Variants in PLPP1 observed in about 807,000 individuals in gnomAD.
The protein encoded by PLPP1 is lipid phosphate phosphohydrolase 1a.
Under a neutral mutation model 31.2 loss-of-function variants are expected in PLPP1, and 24 were observed. That is an observed-to-expected ratio of 0.77 (90% CI 0.56 to 1.08). The LOEUF (loss-of-function observed/expected upper bound fraction) is 1.08. PLPP1 is among the 50% of genes least tolerant of loss of function. The pLI is 0.00. For missense variants in PLPP1, 319 were observed against 342.7 expected, an observed-to-expected ratio of 0.93 and a Z score of 0.55; for synonymous variants, 146 against 126.3, an observed-to-expected ratio of 1.16 and a Z score of -1.05.
At chr5:55,514,137 G>T (rs966794611) in intron 1 of PLPP1, among the ~76,000 whole-genome samples, 1 of 152,278 alleles carries the variant, frequency 6.6e-6, no homozygotes, top group African/African-American at 2.4e-5. Context: ...CCAGCACTTT[G>T]GTAGGCCAAG....
intron 1 of PLPP1, among the ~76,000 whole-genome samples, chr5:55,504,201 T>G (rs942400680): frequency 6.6e-6 from 1 of 151,768 alleles, no homozygotes; most frequent in African/African-American, 2.4e-5. Context: ...AAACCCCGTC[T>G]CTACTAATAA....
chr5:55,531,290 G>A (rs1010180291), intron 1 of PLPP1, among the ~76,000 whole-genome samples: 3 of 152,148 alleles, frequency 2.0e-5, no homozygotes, highest in African/African-American at 7.2e-5. Context: ...TAATTCAAAC[G>A]TGTATATAGA....
chr5:55,503,856 G>A (rs1382960741), intron 1 of PLPP1, among the ~76,000 whole-genome samples: 1 of 92,032 alleles, frequency 1.1e-5, no homozygotes, highest in African/African-American at 4.4e-5. Flanking sequence ...GAGAGAGGAG[G>A]GGAGGAGAGG....
chr5:55,429,786 C>T (rs1439308606), intron 4 of PLPP1, among the ~76,000 whole-genome samples: 1 of 152,086 alleles, frequency 6.6e-6, no homozygotes, highest in African/African-American at 2.4e-5. Flanking sequence ...TGGCAGTGAG[C>T]CAGCAGAGCC....
chr5:55,498,800 T>C (rs1310211334), intron 1 of PLPP1, among the ~76,000 whole-genome samples: 3 of 151,950 alleles, frequency 2.0e-5, no homozygotes, highest in African/African-American at 4.8e-5. Context: ...CTGTTTTCCA[T>C]TGGGAACACA....
chr5:55,525,003 T>C (rs945968496), intron 1 of PLPP1, among the ~76,000 whole-genome samples: 6 of 152,184 alleles, frequency 3.9e-5, no homozygotes, highest in African/African-American at 1.4e-4. Context: ...ACCACAGACC[T>C]ACACAGATCA....
At chr5:55,472,321 G>A (rs1230808105) in intron 2 of PLPP1, among the ~76,000 whole-genome samples, 2 of 152,102 alleles carry the variant, frequency 1.3e-5, no homozygotes, top group African/African-American at 4.8e-5. Flanking sequence ...GTAGAGTATA[G>A]GCCGGGCGCA....
chr5:55,441,045 A>AT (rs1207946232), intron 4 of PLPP1, among the ~76,000 whole-genome samples: 1 of 149,308 alleles, frequency 6.7e-6, no homozygotes, highest in Non-Finnish European at 1.5e-5. Flanking sequence ...ACACCCAAAT[A>AT]TATAGTGTTT....
chr5:55,527,852 A>G (rs1222512975), intron 1 of PLPP1, among the ~76,000 whole-genome samples: 2 of 152,176 alleles, frequency 1.3e-5, no homozygotes, highest in African/African-American at 4.8e-5. Context: ...TACTCACAGA[A>G]CAGCTTTGGC....
chr5:55,475,495 C>A, intron 1 of PLPP1, 45 bp from the exon 2 acceptor site: 1 of 1,496,200 alleles, frequency 6.7e-7, no homozygotes, highest in East Asian at 2.4e-5. Flanking sequence ...AAAGAAATAT[C>A]AAAACTAATT....
chr5:55,432,098 CTTTTT>C (rs869025950), intron 4 of PLPP1, among the ~76,000 whole-genome samples: 1 of 7,136 alleles, frequency 1.4e-4, no homozygotes, highest in African/African-American at 2.1e-4. Flanking sequence ...TCTTTTTCTT[CTTTTT>C]TTTTTTTTTT....
intron 1 of PLPP1, among the ~76,000 whole-genome samples, chr5:55,515,398 CTTG>C (rs1378761926): frequency 6.6e-6 from 1 of 152,222 alleles, no homozygotes; most frequent in Non-Finnish European, 1.5e-5. Context: ...CTAGCCTGTG[CTTG>C]TTATTTTCTA....
At position 55,523,901 on chromosome 5, in the gene PLPP1, T is replaced by C. The variant is rs142860185; in HGVS notation, c.58+10671A>G. 2.4e-3 allele frequency among the ~76,000 whole-genome samples: 359 copies of C among 152,310 alleles called. 4 individuals carry two copies. The Middle Eastern group carries it at 0.037, about 16-fold the overall frequency. On this transcript the variant is annotated intron_variant, in intron 1 of 5. Transcript: ENST00000307259. ...TCATTGAGACTGCTATCCCCAAAAG[T>C]CTAACTTTCTTATAATCTTGCTTTA... is the stretch of plus-strand genomic sequence containing the variant.
intron 1 of PLPP1, among the ~76,000 whole-genome samples, chr5:55,510,416 G>A (rs1350786367): frequency 1.3e-5 from 2 of 152,182 alleles, no homozygotes; most frequent in African/African-American, 4.8e-5. Flanking sequence ...GAAGAAGAAT[G>A]AGGGCACTCA....
intron 3 of PLPP1, 21 bp downstream of exon 3, chr5:55,467,848 C>G (rs376753664): frequency 6.3e-7 from 1 of 1,588,940 alleles, no homozygotes; most frequent in Non-Finnish European, 8.6e-7. Context: ...ATTAAACAAG[C>G]ATTAGCGATT....
intron 1 of PLPP1, among the ~76,000 whole-genome samples, chr5:55,489,205 A>G (rs1256222498): frequency 6.6e-6 from 1 of 152,168 alleles, no homozygotes; most frequent in African/African-American, 2.4e-5. Flanking sequence ...TCTCAAAAAT[A>G]TATATGTGTT....
chr5:55,530,013 T>G (rs747697350), intron 1 of PLPP1: 82 of 576,556 alleles, frequency 1.4e-4, no homozygotes, highest in Non-Finnish European at 2.3e-4. Flanking sequence ...TTAGAAGCCC[T>G]ACCTTTATTT....
At chr5:55,426,839 T>C (rs894042283) in intron 4 of PLPP1, among the ~76,000 whole-genome samples, 2 of 152,174 alleles carry the variant, frequency 1.3e-5, no homozygotes, top group African/African-American at 4.8e-5. Flanking sequence ...TCAAATTGTT[T>C]AACAAGGCAA....
At chr5:55,513,649 T>C (rs1380959874) in intron 1 of PLPP1, among the ~76,000 whole-genome samples, 2 of 152,114 alleles carry the variant, frequency 1.3e-5, no homozygotes, top group Admixed American at 1.3e-4. Flanking sequence ...CCGTAAAGGT[T>C]CATACATAGG....
Sources: gnomAD v4.1 joint callset for allele counts (sites outside exome capture counted in the v4.1 genomes callset) on GRCh38, gnomAD v4.1.1 for gene constraint, MANE v1.5 for transcripts, NCBI Gene and HGNC (gene_info 2026-07-23, HGNC 2026-07-21) for gene names.